The following DCAF6 variants were observed in gnomAD, a reference collection of about 807,000 sequenced individuals.
The protein encoded by DCAF6 is DDB1- and CUL4-associated factor 6.
A neutral mutation model predicts 125.1 loss-of-function variants in DCAF6; 54 were observed. The observed-to-expected ratio is 0.43, with a 90% CI of 0.35 to 0.54. The LOEUF is 0.54. Ranked by LOEUF, DCAF6 falls within the 20% of genes least tolerant of loss-of-function variation. The probability of loss-of-function intolerance (pLI) is 0.01; values close to 1 mark genes in which losing one functional copy is unlikely to be tolerated. For synonymous variants in DCAF6, 371 were observed against 390.4 expected, an observed-to-expected ratio of 0.95 and a Z score of 0.58; for missense variants, 934 against 1,161.7, an observed-to-expected ratio of 0.80 and a Z score of 2.85.
intron 1 of DCAF6, among the ~76,000 whole-genome samples, chr1:167,938,516 A>G (rs1671711405): frequency 6.6e-6 from 1 of 152,246 alleles, no homozygotes; most frequent in Admixed American, 6.5e-5. Flanking sequence ...CATTTGTTGT[A>G]GGATAAGTAC....
chr1:167,954,801 T>A (rs902166309), intron 2 of DCAF6, among the ~76,000 whole-genome samples: 15 of 152,234 alleles, frequency 9.9e-5, no homozygotes, highest in African/African-American at 3.4e-4. Context: ...GCTGTACATA[T>A]TTAAAGTGTA....
chr1:167,966,748 TTAATG>T, intron 3 of DCAF6, 27 bp downstream of exon 3: 1 of 1,354,102 alleles, frequency 7.4e-7, no homozygotes, highest in Non-Finnish European at 1.0e-6. Flanking sequence ...AATCTGTAAT[TTAATG>T]AGAGAAAAAA....
chr1:168,062,430 T>C (rs1339141393), intron 17 of DCAF6, among the ~76,000 whole-genome samples: 1 of 152,210 alleles, frequency 6.6e-6, no homozygotes, highest in Non-Finnish European at 1.5e-5. Flanking sequence ...ATCTTTTTTA[T>C]GTGTAAAAAC....
chr1:168,031,586 AAAGG>A (rs1186955012), intron 12 of DCAF6, among the ~76,000 whole-genome samples: 1 of 152,230 alleles, frequency 6.6e-6, no homozygotes, highest in African/African-American at 2.4e-5. Flanking sequence ...AGAAGTTGTT[AAAGG>A]GAGTGTTCTC....
intron 2 of DCAF6, among the ~76,000 whole-genome samples, chr1:167,962,215 T>A (rs1675721256): frequency 6.6e-6 from 1 of 152,112 alleles, no homozygotes; most frequent in Non-Finnish European, 1.5e-5. Flanking sequence ...TTCAGGTAAT[T>A]GATGGTTTTG....
rs959800454 is a variant in DCAF6 at position 167,987,007 on chromosome 1, G to A, written c.439-488G>A. Among the ~76,000 whole-genome samples the A allele has an allele frequency of 2.8e-4, 42 of 152,158 alleles. 1 individual carries two copies. The highest frequency in any genetic ancestry group is 1.0e-3 in the African/African-American group (42 of 41,438). On this transcript the variant is annotated intron_variant, in intron 4 of 21. Transcript: ENST00000367840. ...TTTCGTTGACATTAAGTATATTCATGTTGTATAACCATTACCACAATTAAA... is the reference window on the plus strand; with the variant it reads ...TTTCGTTGACATTAAGTATATTCATATTGTATAACCATTACCACAATTAAA...
chr1:168,031,557 G>A (rs961632982), intron 12 of DCAF6, among the ~76,000 whole-genome samples: 1 of 152,184 alleles, frequency 6.6e-6, no homozygotes, highest in African/African-American at 2.4e-5. Context: ...AATAAGCTAG[G>A]AGGACAGTAA....
At chr1:168,046,056 A>C (rs1231649249) in intron 16 of DCAF6, among the ~76,000 whole-genome samples, 2 of 152,108 alleles carry the variant, frequency 1.3e-5, no homozygotes, top group Non-Finnish European at 2.9e-5. Context: ...AGTATCTGTC[A>C]ACTGAAAAAT....
At position 168,043,072 on chromosome 1, in the gene DCAF6, CT is replaced by C; in HGVS notation, c.1776del (p.Glu593ArgfsTer32). On this transcript the variant is annotated frameshift_variant, in exon 14 of 22. Coordinates refer to ENST00000367840, the MANE Select transcript of DCAF6 (RefSeq NM_001198956.2). LOFTEE classifies it high-confidence loss of function. ...AGAGGAATTGGGAGCCATTGCAAAT[CT>C]GAGGGTCAGGAGGAATCTTTCGTCC... ...SSRGIGSHCKSEGQEESFVPQ... is the reference protein window; with the variant it reads ...SSRGIGSHCKXEGQEESFVPQ... 6.2e-7 allele frequency: 1 copy of C among 1,612,948 alleles called. No individual in the cohort carries two copies. Among genetic ancestry groups the C allele is most frequent in the Non-Finnish European group, 8.5e-7 (1 of 1,179,362 alleles).
Position 167,993,325 on chromosome 1 carries a change from A to G in DCAF6, c.788A>G (p.Glu263Gly). ...AGAGTGACATCTCTGTGTTACAGTG[A>G]AGATGGTCAAGAGATTCTCGTTAGT... Reference protein sequence around the residue: ...SCRVTSLCYSEDGQEILVSYS... With the variant: ...SCRVTSLCYSGDGQEILVSYS... Residue 263 changes from glutamate to glycine, a missense_variant, in exon 7 of 22, where the codon GAA becomes GGA. Glu to Gly is a moderately conservative substitution (Grantham distance 98). Transcript: ENST00000367840. 2 of 1,613,962 alleles carry G rather than the reference A, an allele frequency of 1.2e-6. No homozygotes were observed. Among genetic ancestry groups the G allele is most frequent in the South Asian group, 2.2e-5 (2 of 91,076 alleles).
chr1:167,905,599 TAA>T, the DCAF6 span, among the ~76,000 whole-genome samples: 1 of 145,820 alleles, frequency 6.9e-6, no homozygotes, highest in Non-Finnish European at 1.5e-5. Flanking sequence ...TTTCTCTCTT[TAA>T]AAAAAAAAAA....
At chr1:167,948,364 C>G (rs977284159) in intron 1 of DCAF6, among the ~76,000 whole-genome samples, 2 of 152,070 alleles carry the variant, frequency 1.3e-5, no homozygotes, top group African/African-American at 4.8e-5. Flanking sequence ...TTTTGTCTCT[C>G]CTTGGTAGAG....
the DCAF6 span, chr1:167,904,891 G>A: frequency 6.7e-7 from 1 of 1,498,912 alleles, no homozygotes; most frequent in South Asian, 1.1e-5. Flanking sequence ...CAGCCCAAGG[G>A]CTCCAGAATG....
At chr1:167,907,112 A>G in the DCAF6 span, among the ~76,000 whole-genome samples, 5 of 152,358 alleles carry the variant, frequency 3.3e-5, no homozygotes, top group East Asian at 9.6e-4. Context: ...GACAACATAT[A>G]TCTACAGATA....
At chr1:167,936,287 C>A (rs576350477), upstream of DCAF6, 1 of 202,550 alleles carries the variant, frequency 4.9e-6, no homozygotes, top group South Asian at 7.5e-5. Flanking sequence ...AGTGAAGCTG[C>A]GCTGGTTCTA....
chr1:168,002,453 C>A, intron 7 of DCAF6, 29 bp from the exon 8 acceptor site: 1 of 1,593,912 alleles, frequency 6.3e-7, no homozygotes, highest in Non-Finnish European at 8.6e-7. Flanking sequence ...TTTAGACTTA[C>A]ATAGAATTTA....
At chr1:168,070,526 G>A (rs1692896672) in intron 21 of DCAF6, among the ~76,000 whole-genome samples, 1 of 152,120 alleles carries the variant, frequency 6.6e-6, no homozygotes, top group African/African-American at 2.4e-5. Context: ...TTGGAGCTGT[G>A]ATTTTTAATG....
At chr1:167,884,235 T>C in the DCAF6 span, among the ~76,000 whole-genome samples, 1 of 152,168 alleles carries the variant, frequency 6.6e-6, no homozygotes, top group Non-Finnish European at 1.5e-5. Context: ...CACAGTTCCA[T>C]GGGCTGTACA....
At chr1:167,910,080 C>A in the DCAF6 span, among the ~76,000 whole-genome samples, 1 of 152,160 alleles carries the variant, frequency 6.6e-6, no homozygotes, top group Non-Finnish European at 1.5e-5. Context: ...CTTTGGGGAC[C>A]TCAGTTCTTG....
Sources: gnomAD v4.1 joint callset for allele counts (sites outside exome capture counted in the v4.1 genomes callset) on GRCh38, gnomAD v4.1.1 for gene constraint, MANE v1.5 for transcripts, NCBI Gene and HGNC (gene_info 2026-07-23, HGNC 2026-07-21) for gene names.